RAD51B: variants seen among roughly 807,000 people sequenced by gnomAD.
The protein encoded by RAD51B is DNA repair protein RAD51 homolog 2.
A neutral mutation model predicts 42.2 loss-of-function variants in RAD51B; 38 were observed. That is an observed-to-expected ratio of 0.90 (90% CI 0.70 to 1.18). RAD51B has a LOEUF of 1.18. Among genes scored for constraint, RAD51B ranks in the 50% most tolerant of loss-of-function variants. The probability of loss-of-function intolerance (pLI) is 0.00; values close to 1 mark genes in which losing one functional copy is unlikely to be tolerated. For synonymous variants in RAD51B, 154 were observed against 145.2 expected (o/e 1.06, Z -0.43); for missense variants, 373 against 400.7 (o/e 0.93, Z 0.59).
chr14:67,888,422 A>G (rs537032343), intron 7 of RAD51B, among the ~76,000 whole-genome samples: 16 of 152,244 alleles, frequency 1.1e-4, no homozygotes, highest in Non-Finnish European at 2.4e-4. Context: ...TCAACCAACT[A>G]AAGATAGGAG....
rs1346023892 is a variant in RAD51B at position 68,218,253 on chromosome 14, T to C, written c.757-73631T>C. The stretch of plus-strand genomic sequence containing the variant: ...CTGTTCTGTTCTGACTTGTAAAGAT[T>C]ATTTGATGTTAACCCCATACCCTTA... On this transcript the variant is annotated intron_variant, in intron 7 of 10. Coordinates refer to ENST00000471583, the MANE Select transcript of RAD51B (RefSeq NM_133510.4). 3.3e-5 allele frequency among the ~76,000 whole-genome samples: 5 copies of C among 152,346 alleles called. No individual in the cohort carries two copies. The East Asian group carries it at 5.8e-4, about 18-fold the overall frequency.
intron 10 of RAD51B, among the ~76,000 whole-genome samples, chr14:68,490,262 G>T (rs1051582081): frequency 2.0e-5 from 3 of 152,140 alleles, no homozygotes; most frequent in East Asian, 1.9e-4. Flanking sequence ...TTTGCAAAGA[G>T]AATATATTCA....
chr14:68,041,749 T>C (rs2076221355), intron 7 of RAD51B, among the ~76,000 whole-genome samples: 1 of 152,208 alleles, frequency 6.6e-6, no homozygotes, highest in South Asian at 2.1e-4. Context: ...TCATCCTGAC[T>C]CTTAGCTTCT....
chr14:68,100,187 T>C (rs1163046108), intron 7 of RAD51B, among the ~76,000 whole-genome samples: 14 of 152,094 alleles, frequency 9.2e-5, no homozygotes, highest in Non-Finnish European at 2.1e-4. Flanking sequence ...ACCTCAACTA[T>C]AGAAGGTAGA....
At chr14:67,863,772 T>C (rs754762128) in intron 4 of RAD51B, among the ~76,000 whole-genome samples, 9 of 152,200 alleles carry the variant, frequency 5.9e-5, no homozygotes, top group Non-Finnish European at 1.3e-4. Context: ...TTTCTAAACA[T>C]TTTCAAATTA....
At position 67,873,253 on chromosome 14, in the gene RAD51B, AC is replaced by A. The variant is rs201292582; in HGVS notation, c.452+8115del. On this transcript the variant is annotated intron_variant, in intron 5 of 10. Coordinates refer to ENST00000471583, the MANE Select transcript of RAD51B (RefSeq NM_133510.4). Reference sequence around the variant, plus strand: ...CAAACAATTTACAAGAAAAAAACAAACAACCCCATCAAAAAGTGGGCGAAGG... The same window carrying A: ...CAAACAATTTACAAGAAAAAAACAAAAACCCCATCAAAAAGTGGGCGAAGG... Among the ~76,000 whole-genome samples, 1,118 of 152,302 alleles carry A rather than the reference AC, an allele frequency of 7.3e-3. 12 individuals carry two copies. Among genetic ancestry groups the A allele is most frequent in the African/African-American group, 0.026 (1,084 of 41,564 alleles).
intron 7 of RAD51B, among the ~76,000 whole-genome samples, chr14:68,246,750 T>C (rs542534882): frequency 8.8e-4 from 134 of 152,316 alleles, no homozygotes; most frequent in African/African-American, 3.1e-3. Flanking sequence ...AGAGTTCTTT[T>C]CTTGGCATTG....
At chr14:67,905,187 G>C (rs1009940091) in intron 7 of RAD51B, among the ~76,000 whole-genome samples, 5 of 151,782 alleles carry the variant, frequency 3.3e-5, no homozygotes, top group Non-Finnish European at 5.9e-5. Flanking sequence ...ATGCTGCTGG[G>C]ATTACTTGTT....
intron 10 of RAD51B, among the ~76,000 whole-genome samples, chr14:68,646,726 A>G (rs1892570860): frequency 6.6e-6 from 1 of 152,172 alleles, no homozygotes; most frequent in South Asian, 2.1e-4. Context: ...AACCGTCTAA[A>G]CTATATGGAG....
chr14:67,950,981 C>T (rs79289430), intron 7 of RAD51B, among the ~76,000 whole-genome samples: 9,109 of 152,110 alleles, frequency 0.06, 643 homozygotes, highest in African/African-American at 0.17. Flanking sequence ...GGTTTGACAT[C>T]GTACAGGAGT....
At chr14:68,558,548 G>A (rs139545252) in intron 10 of RAD51B, among the ~76,000 whole-genome samples, 54 of 152,208 alleles carry the variant, frequency 3.5e-4, no homozygotes, top group African/African-American at 9.4e-4. Flanking sequence ...GGTGGTGGCC[G>A]GCACTCCTCC....
intron 9 of RAD51B, among the ~76,000 whole-genome samples, chr14:68,454,703 T>C (rs2085641484): frequency 1.3e-5 from 2 of 152,228 alleles, no homozygotes; most frequent in Admixed American, 1.3e-4. Flanking sequence ...TTGACTTAGA[T>C]TCAGAACTTG....
intron 11 of RAD51B, among the ~76,000 whole-genome samples, chr14:68,680,878 C>T (rs763837144): frequency 5.9e-5 from 9 of 151,826 alleles, no homozygotes; most frequent in Non-Finnish European, 1.3e-4. Context: ...ACTTGGCAAG[C>T]AGATGACATT....
intron 7 of RAD51B, among the ~76,000 whole-genome samples, chr14:68,162,423 TAA>T (rs1295164950): frequency 2.0e-5 from 3 of 152,190 alleles, no homozygotes; most frequent in Admixed American, 6.5e-5. Context: ...AGGAAATATA[TAA>T]GTTTATCTCA....
Position 68,171,047 on chromosome 14 carries a change from A to G in RAD51B, c.757-120837A>G, listed in dbSNP as rs952763416. Among the ~76,000 whole-genome samples the G allele has an allele frequency of 2.0e-5, 3 of 152,328 alleles. No individual in the cohort carries two copies. The East Asian group carries it at 5.8e-4, about 29-fold the overall frequency. Reference sequence around the variant, plus strand: ...GCCAGGGGTTTCAGGCTCCTCCTCCATAACCCATCAAGTGGCCAAAGTCTT... The same window carrying G: ...GCCAGGGGTTTCAGGCTCCTCCTCCGTAACCCATCAAGTGGCCAAAGTCTT... On this transcript the variant is annotated intron_variant, in intron 7 of 10. Transcript: ENST00000471583.
chr14:68,049,214 G>A (rs1039903409), intron 7 of RAD51B, among the ~76,000 whole-genome samples: 1 of 152,012 alleles, frequency 6.6e-6, no homozygotes, highest in African/African-American at 2.4e-5. Flanking sequence ...TTGTGGGGTG[G>A]GGGGAGCGGG....
chr14:68,221,353 A>T (rs1287637587), intron 7 of RAD51B, among the ~76,000 whole-genome samples: 1 of 152,230 alleles, frequency 6.6e-6, no homozygotes, highest in African/African-American at 2.4e-5. Context: ...ACATAGACCA[A>T]TGAAACAGAA....
intron 9 of RAD51B, among the ~76,000 whole-genome samples, chr14:68,430,544 C>T (rs1038171842): frequency 2.0e-5 from 3 of 152,060 alleles, no homozygotes; most frequent in East Asian, 1.9e-4. Context: ...ATTTGACTCT[C>T]GGTTTGTCTG....
At chr14:68,029,422 A>T (rs1043175341) in intron 7 of RAD51B, among the ~76,000 whole-genome samples, 15 of 152,226 alleles carry the variant, frequency 9.9e-5, no homozygotes, top group African/African-American at 3.6e-4. Flanking sequence ...CTTCGCCAGG[A>T]GTAGTTTCCA....
Sources: allele counts gnomAD v4.1 joint callset (sites outside exome capture counted in the v4.1 genomes callset), GRCh38; gene constraint gnomAD v4.1.1; transcripts MANE v1.5; gene names NCBI Gene and HGNC (gene_info 2026-07-23, HGNC 2026-07-21).